The following PDGFRB variants were observed in gnomAD, a reference collection of about 807,000 sequenced individuals.
PDGFRB encodes the protein platelet derived growth factor receptor beta.
PDGFRB carries 42 observed loss-of-function variants against 120.2 expected under a neutral mutation model. The ratio of observed to expected loss-of-function variants is 0.35; its 90% confidence interval spans 0.27 to 0.45. The LOEUF is 0.45. Ranked by LOEUF, PDGFRB falls within the 20% of genes least tolerant of loss-of-function variation. The probability of loss-of-function intolerance (pLI) is 1.00; values close to 1 mark genes in which losing one functional copy is unlikely to be tolerated. For missense variants in PDGFRB, 1,149 were observed against 1,476.3 expected, an observed-to-expected ratio of 0.78 and a Z score of 3.63; for synonymous variants, 586 against 606.8, an observed-to-expected ratio of 0.97 and a Z score of 0.50.
At position 150,146,905 on chromosome 5, in the gene PDGFRB, T is replaced by C. The variant is rs533214782; in HGVS notation, c.-7+8492A>G. Among the ~76,000 whole-genome samples, 64 of 152,340 alleles carry C rather than the reference T, an allele frequency of 4.2e-4. No individual in the cohort carries two copies. The East Asian group carries it at 0.011, about 27-fold the overall frequency. On this transcript the variant is annotated intron_variant, in intron 1 of 22. Coordinates refer to ENST00000261799, the MANE Select transcript of PDGFRB (RefSeq NM_002609.4). ...TCTGCTCTGACTGAGGGGCAGTGTA[T>C]GCGGGAGGCCTGCCCCGGGTCACCA...
At chr5:150,134,258 G>A (rs1354647693) in intron 4 of PDGFRB, 3 of 560,470 alleles carry the variant, frequency 5.4e-6, no homozygotes, top group Non-Finnish European at 6.4e-6. Flanking sequence ...TAACAGTCTG[G>A]AAATCAAAGT....
At chr5:150,153,169 T>G (rs12658230) in intron 1 of PDGFRB, among the ~76,000 whole-genome samples, 25,259 of 152,174 alleles carry the variant, frequency 0.17, 2,635 homozygotes, top group East Asian at 0.41. Flanking sequence ...CACGGTGCTT[T>G]CCACTGCCTG....
At chr5:150,123,284 T>A (rs753113888) in intron 14 of PDGFRB, 83 bp from the exon 15 acceptor site, 18 of 1,064,282 alleles carry the variant, frequency 1.7e-5, no homozygotes, top group Admixed American at 3.8e-5. Context: ...AGGGGCTGGA[T>A]GTGGGAGAGA....
In PDGFRB at chr5:150,117,859, G is replaced by A. The variant is rs1005749503; in HGVS notation, c.2905-9C>T. 5.8e-6 allele frequency: 9 copies of A among 1,542,100 alleles called. No individual in the cohort carries two copies. Among genetic ancestry groups the A allele is most frequent in the Middle Eastern group, 1.7e-4 (1 of 5,970 alleles). On this transcript the variant is annotated splice_polypyrimidine_tract_variant and intron_variant, in intron 21 of 22. Coordinates refer to ENST00000261799, the MANE Select transcript of PDGFRB (RefSeq NM_002609.4). Reference sequence around the variant, plus strand: ...TCCACCTGCTGGTACTTCTGCTCCCGGGGCAGGGAGAACCAAAGAAACAGG... The same window carrying A: ...TCCACCTGCTGGTACTTCTGCTCCCAGGGCAGGGAGAACCAAAGAAACAGG...
At position 150,118,679 on chromosome 5, in the gene PDGFRB, C is replaced by CT; in HGVS notation, c.2904+67dup. On this transcript the variant is annotated intron_variant, in intron 21 of 22. Transcript: ENST00000261799. ...TAAATGCCAGCCCATCACGCAGAGC[C>CT]TTGTACTCGGTGTCTGACTTCTGCA... 4 of 957,546 alleles carry CT rather than the reference C, an allele frequency of 4.2e-6. No individual in the cohort carries two copies. In the Admixed American group the frequency reaches 6.9e-5, roughly 16 times the overall value. 59.3% of individuals were successfully genotyped at this position (957,546 alleles called of 1,614,324 possible). A position where few individuals can be genotyped will look rare whatever the true frequency, so the allele number is the denominator to read the frequency against.
At position 150,129,805 on chromosome 5, in the gene PDGFRB, G is replaced by A. The variant is rs765383598; in HGVS notation, c.1531C>T (p.Arg511Cys). The change falls in exon 10 of 23, where the codon CGC becomes TGC. Residue 511 changes from arginine to cysteine, a missense_variant. Transcript: ENST00000261799. ...DRPLSVRCTL[R>C]NAVGQDTQEV... Reference sequence around the variant, plus strand: ...TGCGTGTCCTGGCCCACAGCGTTGCGCAGCGTGCAGCGCACCGACAGTGGC... The same window carrying A: ...TGCGTGTCCTGGCCCACAGCGTTGCACAGCGTGCAGCGCACCGACAGTGGC... 19 of 1,613,816 alleles carry A rather than the reference G, an allele frequency of 1.2e-5. No individual in the cohort carries two copies. The highest frequency in any genetic ancestry group is 8.0e-5 in the African/African-American group (6 of 74,942).
Position 150,132,737 on chromosome 5 carries a change from G to A in PDGFRB, c.1127+13C>T, listed in dbSNP as rs1270758980. ...ATAACTTCAAGAATGGGATGGGAGA[G>A]CGAGCTGCTCACCGGGTCTCCGACA... On this transcript the variant is annotated intron_variant, in intron 7 of 22. Coordinates refer to ENST00000261799, the MANE Select transcript of PDGFRB (RefSeq NM_002609.4). The surrounding 1 kb of genome is among the most constrained non-coding windows in gnomAD (Gnocchi z 5.0). The A allele has an allele frequency of 3.1e-6, 5 of 1,607,416 alleles. No homozygotes were observed. The highest frequency in any genetic ancestry group is 4.5e-5 in the East Asian group (2 of 44,738).
chr5:150,125,741 T>C (rs1308118513), intron 11 of PDGFRB, among the ~76,000 whole-genome samples, 164 bp from the exon 12 acceptor site: 1 of 152,116 alleles, frequency 6.6e-6, no homozygotes, highest in Non-Finnish European at 1.5e-5. Flanking sequence ...GCCAAGGTCT[T>C]CGTGGGCTCG....
rs935184531 is a variant in PDGFRB at position 150,114,302 on chromosome 5, G to A, written c.*1461C>T. ...TGGGTGAGGGGCAAACCTCCAAAGC[G>A]CCCACCTCTCACATCCTTCTTGGGG... On this transcript the variant is annotated 3_prime_UTR_variant, in exon 23 of 23. Coordinates refer to ENST00000261799, the MANE Select transcript of PDGFRB (RefSeq NM_002609.4). The A allele has an allele frequency of 5.1e-5, 12 of 233,010 alleles. No homozygotes were observed. Among genetic ancestry groups the A allele is most frequent in the Middle Eastern group, 2.5e-3 (2 of 808 alleles). 14.4% of individuals were successfully genotyped at this position (233,010 alleles called of 1,614,324 possible).
chr5:150,149,100 C>A (rs913225235), intron 1 of PDGFRB, among the ~76,000 whole-genome samples: 4 of 152,118 alleles, frequency 2.6e-5, no homozygotes, highest in Admixed American at 6.5e-5. Context: ...ATAGTGATGG[C>A]GGGTAGTAGC....
rs747756021 is a variant in PDGFRB, at chr5:150,132,793, C to T, written c.1084G>A (p.Ala362Thr). ...KDNRTLGDSS[A>T]GEIALSTRNV... Reference sequence around the variant, plus strand: ...CGCGTGGACAGGGCGATTTCGCCAGCGCTGGAGTCGCCCAGGGTGCGGTTG... The same window carrying T: ...CGCGTGGACAGGGCGATTTCGCCAGTGCTGGAGTCGCCCAGGGTGCGGTTG... The change falls in exon 7 of 23, where the codon GCT becomes ACT. Residue 362 changes from alanine to threonine, a missense_variant. Around this residue, in one of 3 missense-constraint regions of PDGFRB, gnomAD observed 879 missense variants for 1,108.6 expected, o/e 0.79. Transcript: ENST00000261799. The surrounding 1 kb of genome is among the most constrained non-coding windows in gnomAD (Gnocchi z 5.0). The T allele has an allele frequency of 1.3e-5, 21 of 1,612,814 alleles. No homozygotes were observed. The highest frequency in any genetic ancestry group is 6.7e-5 in the African/African-American group (5 of 74,946).
intron 22 of PDGFRB, among the ~76,000 whole-genome samples, chr5:150,116,213 C>T (rs955819295): frequency 3.9e-5 from 6 of 152,348 alleles, no homozygotes; most frequent in Non-Finnish European, 7.3e-5. Flanking sequence ...GCTCGTTTCT[C>T]ACCCACCAGC....
At chr5:150,122,183 T>C (rs1446171364) in intron 15 of PDGFRB, 143 bp from the exon 16 acceptor site, 3 of 656,354 alleles carry the variant, frequency 4.6e-6, no homozygotes, top group Admixed American at 5.5e-5. Context: ...AGCCTGTGGA[T>C]CAAGACTTTT....
chr5:150,117,581 G>A (rs1759997849), intron 22 of PDGFRB, 37 bp downstream of exon 22: 4 of 1,033,210 alleles, frequency 3.9e-6, no homozygotes, highest in Admixed American at 3.5e-5. Context: ...CACACACACT[G>A]TGCACAATTT....
In PDGFRB at chr5:150,134,932, C is replaced by T. The variant is rs760987130; in HGVS notation, c.449G>A (p.Arg150Gln). 50 of 1,613,720 alleles carry T rather than the reference C, an allele frequency of 3.1e-5. No homozygotes were observed. The highest frequency in any genetic ancestry group is 1.7e-4 in the Middle Eastern group (1 of 6,030). The change falls in exon 4 of 23, where the codon CGA becomes CAA. Residue 150 changes from arginine (R) to glutamine (Q), a missense_variant. Coordinates refer to ENST00000261799, the MANE Select transcript of PDGFRB (RefSeq NM_002609.4). ...TEITEITIPC[R>Q]VTDPQLVVTL... ...CACCACCAGCTGTGGGTCTGTTACT[C>T]GGCATGGAATGGTGATCTCAGTTAT...
intron 1 of PDGFRB, among the ~76,000 whole-genome samples, chr5:150,141,256 C>T (rs1328578371): frequency 6.6e-6 from 1 of 152,242 alleles, no homozygotes; most frequent in Non-Finnish European, 1.5e-5. Context: ...GTGTATGCAG[C>T]ACATACAACA....
chr5:150,136,933 C>G, intron 2 of PDGFRB, 75 bp downstream of exon 2: 13 of 1,140,552 alleles, frequency 1.1e-5, no homozygotes, highest in Non-Finnish European at 1.6e-5. Context: ...GCCACCAGCA[C>G]ACATCACCCC....
Position 150,115,534 on chromosome 5 carries a change from T to G in PDGFRB, c.*229A>C. On this transcript the variant is annotated 3_prime_UTR_variant, in exon 23 of 23. Transcript: ENST00000261799. ...TCCCTGGGGGAACCCTGGCTCAGAG[T>G]CAGTTGGCCTCCCTGGAGGCAGAGG... 1 of 398,224 alleles carries G rather than the reference T, an allele frequency of 2.5e-6. No individual in the cohort carries two copies. The highest frequency in any genetic ancestry group is 6.3e-4 in the Middle Eastern group (1 of 1,590). 24.7% of individuals were successfully genotyped at this position (398,224 alleles called of 1,614,324 possible).
At chr5:150,133,089 G>A in intron 6 of PDGFRB, 147 bp from the exon 7 acceptor site, 3 of 639,750 alleles carry the variant, frequency 4.7e-6, no homozygotes, top group Admixed American at 5.8e-5. Context: ...TTGGGCTGGG[G>A]ACAGGGCCTG....
Sources: gnomAD v4.1 joint callset for allele counts (sites outside exome capture counted in the v4.1 genomes callset) on GRCh38, gnomAD v4.1.1 for gene constraint, gnomAD v4.1.1 regional missense constraint, Gnocchi (gnomAD v3.1) non-coding constraint, MANE v1.5 for transcripts, NCBI Gene and HGNC (gene_info 2026-07-23, HGNC 2026-07-21) for gene names.